Variants in COG5 observed in about 807,000 individuals in gnomAD.
COG5 encodes component of oligomeric golgi complex 5.
COG5 carries 86 observed loss-of-function variants against 110.4 expected under a neutral mutation model. The observed-to-expected ratio is 0.78, with a 90% confidence interval of 0.65 to 0.93. The LOEUF (loss-of-function observed/expected upper bound fraction) is 0.93. Among genes scored for constraint, COG5 ranks in the 40% least tolerant of loss-of-function variants. The probability of loss-of-function intolerance (pLI) is 0.00; values close to 1 mark genes in which losing one functional copy is unlikely to be tolerated. For missense variants in COG5, 1,077 were observed against 987.0 expected (o/e 1.09, Z -1.22); for synonymous variants, 360 against 334.6 (o/e 1.08, Z -0.83).
Position 107,557,981 on chromosome 7 carries a change from A to G in COG5, c.229T>C (p.Leu77=). 6.2e-7 allele frequency: 1 copy of G among 1,614,034 alleles called. No individual in the cohort carries two copies. Among genetic ancestry groups the G allele is most frequent in the Non-Finnish European group, 8.5e-7 (1 of 1,179,950 alleles). The change falls in exon 2 of 22, where the codon TTA becomes CTA. Residue 77 remains leucine, a synonymous_variant. Coordinates refer to ENST00000297135, the MANE Select transcript of COG5 (RefSeq NM_006348.5). ...GISQLDRELH[L]QVVARHEDLL... is the part of the protein sequence containing the mutation. ...ACCCAGAAGATCAGAATTACCTGTA[A>G]GTGTAGTTCTCTGTCCAACTGACTG...
chr7:107,320,101 G>T (rs756933049), intron 11 of COG5, among the ~76,000 whole-genome samples: 1 of 152,156 alleles, frequency 6.6e-6, no homozygotes, highest in Non-Finnish European at 1.5e-5. Flanking sequence ...CTAGACAAAT[G>T]AGAGATAAGG....
At chr7:107,477,632 C>T (rs576091033) in intron 6 of COG5, among the ~76,000 whole-genome samples, 69 of 151,872 alleles carry the variant, frequency 4.5e-4, no homozygotes, top group African/African-American at 1.6e-3. Flanking sequence ...AACTGATTTA[C>T]GACAAAGAAA....
chr7:107,295,081 ATATATATATATATATATATATT>A (rs1432469747), intron 12 of COG5, among the ~76,000 whole-genome samples: 6 of 61,858 alleles, frequency 9.7e-5, no homozygotes, highest in Admixed American at 7.3e-4. Context: ...ATATATATAT[ATATATATATATATATATATATT>A]TTTTTTTTTT....
chr7:107,269,203 C>T (rs186684775), intron 14 of COG5, among the ~76,000 whole-genome samples: 44 of 152,164 alleles, frequency 2.9e-4, no homozygotes, highest in African/African-American at 8.7e-4. Context: ...AGGCCTGGCG[C>T]GGTGGCTCAC....
intron 6 of COG5, among the ~76,000 whole-genome samples, chr7:107,443,319 A>G (rs903017812): frequency 2.6e-5 from 4 of 152,172 alleles, no homozygotes; most frequent in African/African-American, 9.7e-5. Context: ...GTGAAACAGA[A>G]TATTTGTTCT....
rs189156043 is a variant in COG5, at chr7:107,241,465, T to A, written c.1854-4778A>T. Reference sequence around the variant, plus strand: ...ATATTTATTTTTTATTTATTTATTTTTTTTTGATACAGAGTCTCACTCTAT... The same window carrying A: ...ATATTTATTTTTTATTTATTTATTTATTTTTGATACAGAGTCTCACTCTAT... On this transcript the variant is annotated intron_variant, in intron 17 of 21. Coordinates refer to ENST00000297135, the MANE Select transcript of COG5 (RefSeq NM_006348.5). Among the ~76,000 whole-genome samples the A allele has an allele frequency of 7.0e-3, 1,056 of 149,996 alleles. 10 individuals carry two copies. The highest frequency in any genetic ancestry group is 0.021 in the African/African-American group (861 of 41,188).
chr7:107,554,342 C>A lies in COG5; in HGVS notation c.235G>T (p.Val79Phe). Residue 79 changes from valine to phenylalanine, a missense_variant and splice_region_variant, in exon 3 of 22, where the codon GTT (valine) becomes TTT (phenylalanine). Val to Phe is a conservative substitution (Grantham distance 50). Coordinates refer to ENST00000297135, the MANE Select transcript of COG5 (RefSeq NM_006348.5). ...AGTAAATCTTCATGTCTTGCAACAA[C>A]CTGAAAATCAAAAATAAATGATTAG... ...SQLDRELHLQ[V>F]VARHEDLLAQ... The A allele has an allele frequency of 6.2e-7, 1 of 1,613,646 alleles. No homozygotes were observed. Among genetic ancestry groups the A allele is most frequent in the Middle Eastern group, 1.7e-4 (1 of 6,060 alleles).
chr7:107,505,030 G>C (rs1584905609), intron 6 of COG5, among the ~76,000 whole-genome samples: 1 of 152,282 alleles, frequency 6.6e-6, no homozygotes, highest in African/African-American at 2.4e-5. Context: ...CTCTGCTGCT[G>C]GTTGTAGTAG....
intron 6 of COG5, among the ~76,000 whole-genome samples, chr7:107,461,760 A>G (rs938594963): frequency 1.3e-5 from 2 of 152,234 alleles, no homozygotes; most frequent in Admixed American, 6.5e-5. Flanking sequence ...ATATAAACAA[A>G]TCAAAATTTT....
At chr7:107,385,231 A>C (rs1416887114) in intron 7 of COG5, among the ~76,000 whole-genome samples, 1 of 152,228 alleles carries the variant, frequency 6.6e-6, no homozygotes. Flanking sequence ...AGAACCTCAC[A>C]AGAGGCTAAG....
chr7:107,391,336 G>A (rs1301270661), intron 7 of COG5, among the ~76,000 whole-genome samples: 3 of 151,962 alleles, frequency 2.0e-5, no homozygotes, highest in African/African-American at 4.8e-5. Context: ...TCTGCGGGAG[G>A]GACCCCTGCA....
intron 7 of COG5, among the ~76,000 whole-genome samples, chr7:107,388,368 T>C (rs775644980): frequency 2.0e-5 from 3 of 152,232 alleles, no homozygotes; most frequent in Non-Finnish European, 4.4e-5. Context: ...TTTGCGTTTA[T>C]GGGGTGGCCC....
In COG5 at chr7:107,512,360, A is replaced by G. The variant is rs557770956; in HGVS notation, c.538+14877T>C. 3.3e-3 allele frequency among the ~76,000 whole-genome samples: 509 copies of G among 152,368 alleles called. 4 individuals carry two copies. Among genetic ancestry groups the G allele is most frequent in the African/African-American group, 0.011 (477 of 41,584 alleles). On this transcript the variant is annotated intron_variant, in intron 6 of 21. Coordinates refer to ENST00000297135, the MANE Select transcript of COG5 (RefSeq NM_006348.5). ...ACAAGGGATGTGAAGGACCTCTTCA[A>G]GGAGAACTACAAGCCACTGCTCAGT...
intron 5 of COG5, among the ~76,000 whole-genome samples, chr7:107,528,741 G>A (rs536918417): frequency 1.4e-4 from 22 of 152,190 alleles, no homozygotes; most frequent in Non-Finnish European, 2.2e-4. Context: ...CCTGTTTAAG[G>A]AGAAAAATTC....
chr7:107,294,048 G>A (rs1806394025), intron 12 of COG5, among the ~76,000 whole-genome samples: 1 of 151,962 alleles, frequency 6.6e-6, no homozygotes, highest in Non-Finnish European at 1.5e-5. Context: ...CTCCAGCCTG[G>A]GTGACAGAGC....
chr7:107,233,695 G>A (rs542783727), intron 18 of COG5, among the ~76,000 whole-genome samples: 1 of 152,042 alleles, frequency 6.6e-6, no homozygotes, highest in Non-Finnish European at 1.5e-5. Flanking sequence ...GTGTATTTTT[G>A]ATTTCAGTGA....
intron 6 of COG5, among the ~76,000 whole-genome samples, chr7:107,504,243 C>T (rs920774545): frequency 5.9e-5 from 9 of 152,088 alleles, no homozygotes; most frequent in Admixed American, 5.9e-4. Context: ...TTTTCTGCAT[C>T]TATTGAGATG....
intron 17 of COG5, among the ~76,000 whole-genome samples, chr7:107,245,171 T>C (rs1801958936): frequency 6.6e-6 from 1 of 152,210 alleles, no homozygotes; most frequent in Non-Finnish European, 1.5e-5. Context: ...CACTTCTTCA[T>C]GTTAAAAATT....
At chr7:107,551,926 A>G (rs540974346) in intron 3 of COG5, among the ~76,000 whole-genome samples, 2 of 152,310 alleles carry the variant, frequency 1.3e-5, no homozygotes, top group South Asian at 2.1e-4. Flanking sequence ...CTACACTTCA[A>G]TCTTTTATGT....
Sources: allele counts gnomAD v4.1 joint callset (sites outside exome capture counted in the v4.1 genomes callset), GRCh38; gene constraint gnomAD v4.1.1; transcripts MANE v1.5; gene names NCBI Gene and HGNC (gene_info 2026-07-23, HGNC 2026-07-21).